CSMD1: variants seen among roughly 807,000 people sequenced by gnomAD.
The protein encoded by CSMD1 is CUB and Sushi multiple domains 1, also known as CUB and sushi domain-containing protein 1.
In CSMD1, 213 loss-of-function variants were observed where a neutral mutation model predicts 417.5. The ratio of observed to expected loss-of-function variants is 0.51; its 90% CI spans 0.46 to 0.57. The LOEUF (loss-of-function observed/expected upper bound fraction) is 0.57. Ranked by LOEUF, CSMD1 falls within the 20% of genes least tolerant of loss-of-function variation. CSMD1 has a pLI of 0.00. For synonymous variants in CSMD1, 2,862 were observed against 1,736.8 expected, an observed-to-expected ratio of 1.65 and a Z score of -16.11; for missense variants, 6,923 against 4,529.7, an observed-to-expected ratio of 1.53 and a Z score of -15.17.
chr8:4,740,710 A>G (rs1315413487), intron 1 of CSMD1, among the ~76,000 whole-genome samples: 1 of 152,186 alleles, frequency 6.6e-6, no homozygotes, highest in Non-Finnish European at 1.5e-5. Context: ...GAAGTGAGCC[A>G]TCTCTGCACT....
chr8:4,645,264 C>T (rs1401060766), intron 1 of CSMD1, among the ~76,000 whole-genome samples: 9 of 152,044 alleles, frequency 5.9e-5, no homozygotes, highest in South Asian at 2.1e-4. Flanking sequence ...TGGAACCTCA[C>T]GGATATGATG....
intron 1 of CSMD1, among the ~76,000 whole-genome samples, chr8:4,681,779 T>G (rs1029674852): frequency 2.6e-5 from 4 of 152,200 alleles, no homozygotes; most frequent in Admixed American, 6.5e-5. Context: ...AAGAGGTATT[T>G]ACCCCATGTT....
At chr8:3,962,372 G>A (rs1015987296) in intron 5 of CSMD1, among the ~76,000 whole-genome samples, 4 of 152,192 alleles carry the variant, frequency 2.6e-5, no homozygotes, top group Non-Finnish European at 5.9e-5. Flanking sequence ...AGCAGAGTCA[G>A]GCAGCACGGG....
chr8:3,948,187 G>A (rs1811364545), intron 5 of CSMD1, among the ~76,000 whole-genome samples: 1 of 152,094 alleles, frequency 6.6e-6, no homozygotes, highest in Non-Finnish European at 1.5e-5. Context: ...CCTGGCAACA[G>A]ACCAAGACTC....
intron 3 of CSMD1, among the ~76,000 whole-genome samples, chr8:4,227,884 C>A (rs1801455696): frequency 2.0e-5 from 3 of 151,244 alleles, no homozygotes. Context: ...TACATTCAAC[C>A]CCACACTTGG....
intron 8 of CSMD1, among the ~76,000 whole-genome samples, chr8:3,591,080 C>G (rs890993207): frequency 3.3e-5 from 5 of 152,148 alleles, no homozygotes; most frequent in Admixed American, 1.3e-4. Context: ...TTAGTCCGCC[C>G]TAGATTAATT....
intron 17 of CSMD1, among the ~76,000 whole-genome samples, chr8:3,389,536 T>C (rs1255473448): frequency 3.3e-5 from 5 of 152,168 alleles, no homozygotes; most frequent in Admixed American, 1.3e-4. Flanking sequence ...TAATTTCATT[T>C]CTTCAAAAAG....
At chr8:4,194,800 G>T (rs999781151) in intron 3 of CSMD1, among the ~76,000 whole-genome samples, 35 of 151,672 alleles carry the variant, frequency 2.3e-4, no homozygotes, top group African/African-American at 8.0e-4. Context: ...GAGACTCTTT[G>T]GTCACTATGA....
chr8:4,149,940 A>C (rs1008462981), intron 3 of CSMD1, among the ~76,000 whole-genome samples: 21 of 152,368 alleles, frequency 1.4e-4, no homozygotes, highest in South Asian at 8.3e-4. Flanking sequence ...TGTGAACAAC[A>C]GGAAATTCTG....
At chr8:4,370,776 A>G (rs1457248643) in intron 3 of CSMD1, among the ~76,000 whole-genome samples, 1 of 152,224 alleles carries the variant, frequency 6.6e-6, no homozygotes, top group Non-Finnish European at 1.5e-5. Flanking sequence ...TTAATTCACA[A>G]GATCCAGTTT....
intron 3 of CSMD1, among the ~76,000 whole-genome samples, chr8:4,354,092 C>G (rs1423708329): frequency 3.3e-5 from 5 of 152,158 alleles, no homozygotes; most frequent in African/African-American, 7.2e-5. Context: ...AATATTGCTT[C>G]CATATTCTCG....
intron 2 of CSMD1, among the ~76,000 whole-genome samples, chr8:4,549,997 T>C (rs578153938): frequency 1.3e-5 from 2 of 151,866 alleles, no homozygotes; most frequent in South Asian, 2.1e-4. Context: ...GTCACATTTC[T>C]GTTAATCAAG....
At chr8:3,554,174 A>T (rs1799039867) in intron 10 of CSMD1, among the ~76,000 whole-genome samples, 2 of 152,264 alleles carry the variant, frequency 1.3e-5, no homozygotes, top group Admixed American at 6.5e-5. Flanking sequence ...AGACAAGAAG[A>T]AGTTTTTAAT....
intron 14 of CSMD1, among the ~76,000 whole-genome samples, chr8:3,407,019 G>C (rs566147392): frequency 1.3e-5 from 2 of 152,222 alleles, no homozygotes; most frequent in East Asian, 1.9e-4. Context: ...GTATAGATGG[G>C]AGGAAGAATA....
intron 1 of CSMD1, among the ~76,000 whole-genome samples, chr8:4,657,482 T>C (rs1804308368): frequency 6.6e-6 from 1 of 152,264 alleles, no homozygotes; most frequent in East Asian, 1.9e-4. Flanking sequence ...CAAAACGCTG[T>C]TTAAACATTA....
chr8:3,347,474 G>A (rs535383159), intron 22 of CSMD1, among the ~76,000 whole-genome samples: 2 of 152,260 alleles, frequency 1.3e-5, no homozygotes, highest in East Asian at 3.9e-4. Flanking sequence ...TCTGTGATCT[G>A]ACCACTGTGG....
At chr8:4,115,216 G>T (rs763318049) in intron 3 of CSMD1, among the ~76,000 whole-genome samples, 3 of 152,174 alleles carry the variant, frequency 2.0e-5, no homozygotes, top group Non-Finnish European at 4.4e-5. Context: ...TAAGTCAGCA[G>T]CCACCAACAT....
chr8:3,285,530 G>C (rs189918278), intron 25 of CSMD1, among the ~76,000 whole-genome samples: 2 of 152,012 alleles, frequency 1.3e-5, no homozygotes, highest in African/African-American at 4.8e-5. Flanking sequence ...AGGACTACAA[G>C]CATGAGCTGT....
chr8:3,718,402 A>C lies in CSMD1; in HGVS notation c.932-9911T>G, dbSNP rs112519554. Reference sequence around the variant, plus strand: ...CAAATTTTATTTCTACCCTTAAATCAGTCAGTGTCCTTTCCTTGGTCAGGA... The same window carrying C: ...CAAATTTTATTTCTACCCTTAAATCCGTCAGTGTCCTTTCCTTGGTCAGGA... On this transcript the variant is annotated intron_variant, in intron 6 of 69. Transcript: ENST00000635120. 2.9e-3 allele frequency among the ~76,000 whole-genome samples: 446 copies of C among 152,278 alleles called. 3 individuals carry two copies. Among genetic ancestry groups the C allele is most frequent in the African/African-American group, 9.3e-3 (385 of 41,558 alleles).
Sources: gnomAD v4.1 joint callset for allele counts (sites outside exome capture counted in the v4.1 genomes callset) on GRCh38, gnomAD v4.1.1 for gene constraint, MANE v1.5 for transcripts, NCBI Gene and HGNC (gene_info 2026-07-23, HGNC 2026-07-21) for gene names.